Variants in ESRP2 observed in about 807,000 individuals in gnomAD.
ESRP2 encodes the protein epithelial splicing regulatory protein 2, also known as RNA binding motif protein 35A.
Under a neutral mutation model 78.6 loss-of-function variants are expected in ESRP2, and 48 were observed. That is an observed-to-expected ratio of 0.61 (90% CI 0.48 to 0.78). The LOEUF is 0.78. ESRP2 is among the 30% of genes least tolerant of loss of function. The probability of loss-of-function intolerance (pLI) is 0.00; values close to 1 mark genes in which losing one functional copy is unlikely to be tolerated. For missense variants in ESRP2, 863 were observed against 965.9 expected (o/e 0.89, Z 1.41); for synonymous variants, 383 against 406.7 (o/e 0.94, Z 0.70).
Position 68,232,856 on chromosome 16 carries a change from G to A in ESRP2, c.656-41C>T. The stretch of plus-strand genomic sequence containing the variant: ...CTGGGGGTCAGCAGGGTCTGGTGGA[G>A]AGGGGTGTCCCCACCAAGTTCTGCA... On this transcript the variant is annotated intron_variant, in intron 5 of 14. Transcript: ENST00000473183. The surrounding 1 kb of genome is among the most constrained non-coding windows in gnomAD (Gnocchi z 5.2). 4.3e-6 allele frequency: 7 copies of A among 1,613,904 alleles called. No homozygotes were observed. Among genetic ancestry groups the A allele is most frequent in the Non-Finnish European group, 5.9e-6 (7 of 1,179,914 alleles).
At position 68,230,102 on chromosome 16, in the gene ESRP2, G is replaced by T. The variant is rs985964278; in HGVS notation, c.*124C>A. 2 of 873,744 alleles carry T rather than the reference G, an allele frequency of 2.3e-6. No individual in the cohort carries two copies. Among genetic ancestry groups the T allele is most frequent in the East Asian group, 2.5e-5 (1 of 39,728 alleles). 54.1% of individuals were successfully genotyped at this position (873,744 alleles called of 1,614,324 possible). The stretch of plus-strand genomic sequence containing the variant: ...GGAGCTGGGGCTTGGGCTCCTCTAG[G>T]TACCTTCTGAGAGCTTTGACAAGCC... On this transcript the variant is annotated 3_prime_UTR_variant, in exon 15 of 15. Transcript: ENST00000473183.
chr16:68,233,617 C>T (rs1365096015), intron 4 of ESRP2, 151 bp downstream of exon 4: 7 of 739,928 alleles, frequency 9.5e-6, no homozygotes, highest in African/African-American at 5.2e-5. Context: ...CAAACTCATC[C>T]TAGCACAGAC....
Position 68,230,125 on chromosome 16 carries a change from G to A in ESRP2, c.*101C>T. The A allele has an allele frequency of 8.8e-7, 1 of 1,132,774 alleles. No homozygotes were observed. The highest frequency in any genetic ancestry group is 1.3e-6 in the Non-Finnish European group (1 of 755,054). The allele number at this position is 1,132,774 out of a possible 1,614,324, so 70.2% of individuals were successfully genotyped here. On this transcript the variant is annotated 3_prime_UTR_variant, in exon 15 of 15. Coordinates refer to ENST00000473183, the MANE Select transcript of ESRP2 (RefSeq NM_024939.3). ...AGGTACCTTCTGAGAGCTTTGACAAGCCAGAAAGAAGCTACCAGGTTGAGG... is the reference window on the plus strand; with the variant it reads ...AGGTACCTTCTGAGAGCTTTGACAAACCAGAAAGAAGCTACCAGGTTGAGG...
chr16:68,231,906 A>G lies in ESRP2; in HGVS notation c.1195T>C (p.Phe399Leu), dbSNP rs1359639654. The G allele has an allele frequency of 1.9e-6, 3 of 1,613,964 alleles. No individual in the cohort carries two copies. Among genetic ancestry groups the G allele is most frequent in the East Asian group, 4.5e-5 (2 of 44,850 alleles). The change falls in exon 10 of 15, where the codon TTT becomes CTT. Residue 399 changes from phenylalanine to leucine, a missense_variant. Phe to Leu is a conservative substitution (Grantham distance 22). Coordinates refer to ENST00000473183, the MANE Select transcript of ESRP2 (RefSeq NM_024939.3). The surrounding 1 kb of genome is among the most constrained non-coding windows in gnomAD (Gnocchi z 6.0). Reference sequence around the variant, plus strand: ...GCCTGTGCCAGCTCCTCACAAGCAAAGAGGGCGAAGGCATCACCAGTCGGC... The same window carrying G: ...GCCTGTGCCAGCTCCTCACAAGCAAGGAGGGCGAAGGCATCACCAGTCGGC... ...GRPTGDAFAL[F>L]ACEELAQAAL...
rs925416130 is a variant in ESRP2 at position 68,231,094 on chromosome 16, A to G, written c.1712-67T>C. On this transcript the variant is annotated intron_variant, in intron 12 of 14. Transcript: ENST00000473183. This position sits in a 1 kb window ranked among gnomAD's most constrained non-coding sequence, Gnocchi z 6.0. ...ACTGCCCTGGGTGGGGTAGCCAGAA[A>G]GGAGTCCCCGCTATAGAAGGTAGGG... 8 of 1,599,830 alleles carry G rather than the reference A, an allele frequency of 5.0e-6. No individual in the cohort carries two copies. The highest frequency in any genetic ancestry group is 1.1e-5 in the South Asian group (1 of 90,448).
rs1348124300 is a variant in ESRP2 at position 68,231,086 on chromosome 16, A to T, written c.1712-59T>A. The T allele has an allele frequency of 5.6e-6, 9 of 1,598,246 alleles. No individual in the cohort carries two copies. Among genetic ancestry groups the T allele is most frequent in the African/African-American group, 2.7e-5 (2 of 74,534 alleles). Reference sequence around the variant, plus strand: ...AGCCCAGCACTGCCCTGGGTGGGGTAGCCAGAAAGGAGTCCCCGCTATAGA... The same window carrying T: ...AGCCCAGCACTGCCCTGGGTGGGGTTGCCAGAAAGGAGTCCCCGCTATAGA... On this transcript the variant is annotated intron_variant, in intron 12 of 14. Coordinates refer to ENST00000473183, the MANE Select transcript of ESRP2 (RefSeq NM_024939.3). The surrounding 1 kb of genome is among the most constrained non-coding windows in gnomAD (Gnocchi z 6.0).
chr16:68,231,268 C>A lies in ESRP2; in HGVS notation c.1621G>T (p.Val541Phe). The change falls in exon 12 of 15, where the codon GTC becomes TTC. Residue 541 changes from valine (V) to phenylalanine (F), a missense_variant. By Grantham distance (50) the Val-to-Phe change is conservative (BLOSUM62 -1). Coordinates refer to ENST00000473183, the MANE Select transcript of ESRP2 (RefSeq NM_024939.3). This position sits in a 1 kb window ranked among gnomAD's most constrained non-coding sequence, Gnocchi z 6.0. ...KVMKERYVEVVPCSTEEMSRV... is the reference protein window; with the variant it reads ...KVMKERYVEVFPCSTEEMSRV... ...CTCATCTCCTCTGTGGAACAGGGGA[C>A]CACCTCCACGTAGCGCTCCTTCATC... is the stretch of plus-strand genomic sequence containing the variant. The A allele has an allele frequency of 6.2e-7, 1 of 1,614,104 alleles. No individual in the cohort carries two copies. The highest frequency in any genetic ancestry group is 1.1e-5 in the South Asian group (1 of 91,088).
rs1362484652 is a variant in ESRP2, at chr16:68,233,395, T to C, written c.587A>G (p.Asp196Gly). Reference protein sequence around the residue: ...GLGLETDATEDDFGVWEVKTM... With the variant: ...GLGLETDATEGDFGVWEVKTM... Reference sequence around the variant, plus strand: ...CTTGACTTCCCAGACCCCAAAGTCATCCTCTGTGGCATCTGTCTCCAGTCC... The same window carrying C: ...CTTGACTTCCCAGACCCCAAAGTCACCCTCTGTGGCATCTGTCTCCAGTCC... The change falls in exon 5 of 15, where the codon GAT becomes GGT. Residue 196 changes from aspartate (D) to glycine (G), a missense_variant. Coordinates refer to ENST00000473183, the MANE Select transcript of ESRP2 (RefSeq NM_024939.3). The C allele has an allele frequency of 1.2e-6, 2 of 1,613,888 alleles. No homozygotes were observed. The highest frequency in any genetic ancestry group is 3.3e-5 in the Admixed American group (2 of 59,986).
chr16:68,232,877 C>G lies in ESRP2; in HGVS notation c.656-62G>C. 1 of 1,610,090 alleles carries G rather than the reference C, an allele frequency of 6.2e-7. No homozygotes were observed. Among genetic ancestry groups the G allele is most frequent in the Non-Finnish European group, 8.5e-7 (1 of 1,177,298 alleles). Reference sequence around the variant, plus strand: ...TGGAGAGGGGTGTCCCCACCAAGTTCTGCAAAAAGTGGACAATTGAGAGAG... The same window carrying G: ...TGGAGAGGGGTGTCCCCACCAAGTTGTGCAAAAAGTGGACAATTGAGAGAG... On this transcript the variant is annotated intron_variant, in intron 5 of 14. Transcript: ENST00000473183. The surrounding 1 kb of genome is among the most constrained non-coding windows in gnomAD (Gnocchi z 5.2).
Position 68,231,538 on chromosome 16 carries a change from C to A in ESRP2, c.1456G>T (p.Gly486Trp), listed in dbSNP as rs146975136. Residue 486 changes from glycine to tryptophan, a missense_variant, in exon 11 of 15, where the codon GGG becomes TGG. Coordinates refer to ENST00000473183, the MANE Select transcript of ESRP2 (RefSeq NM_024939.3). The surrounding 1 kb of genome is among the most constrained non-coding windows in gnomAD (Gnocchi z 6.0). ...ATIEDILSFL[G>W]EAAADIRPHG... ...GGCCGAATGTCAGCTGCTGCCTCCC[C>A]CAGAAAGCTCAGGATGTCTTCAATG... The A allele has an allele frequency of 4.5e-5, 73 of 1,614,128 alleles. No individual in the cohort carries two copies. The African/African-American group carries it at 8.8e-4, about 19-fold the overall frequency.
chr16:68,235,324 G>T lies in ESRP2; in HGVS notation c.327+310C>A, dbSNP rs1405349836. ...GGCTCAGGGAGACCTGACCCAGCAGGTCTCCCAAAGGCGTCTCGGCCTCGC... is the reference window on the plus strand; with the variant it reads ...GGCTCAGGGAGACCTGACCCAGCAGTTCTCCCAAAGGCGTCTCGGCCTCGC... On this transcript the variant is annotated intron_variant, in intron 2 of 14. Coordinates refer to ENST00000473183, the MANE Select transcript of ESRP2 (RefSeq NM_024939.3). This position sits in a 1 kb window ranked among gnomAD's most constrained non-coding sequence, Gnocchi z 5.5. The T allele has an allele frequency of 1.0e-6, 1 of 985,186 alleles. No homozygotes were observed. The highest frequency in any genetic ancestry group is 1.1e-4 in the East Asian group (1 of 8,786). 61.0% of individuals were successfully genotyped at this position (985,186 alleles called of 1,614,324 possible).
chr16:68,231,098 G>A lies in ESRP2; in HGVS notation c.1712-71C>T. On this transcript the variant is annotated intron_variant, in intron 12 of 14. Coordinates refer to ENST00000473183, the MANE Select transcript of ESRP2 (RefSeq NM_024939.3). The surrounding 1 kb of genome is among the most constrained non-coding windows in gnomAD (Gnocchi z 6.0). ...CCCTGGGTGGGGTAGCCAGAAAGGAGTCCCCGCTATAGAAGGTAGGGGCTT... is the reference window on the plus strand; with the variant it reads ...CCCTGGGTGGGGTAGCCAGAAAGGAATCCCCGCTATAGAAGGTAGGGGCTT... 6.2e-7 allele frequency: 1 copy of A among 1,600,564 alleles called. No individual in the cohort carries two copies. Among genetic ancestry groups the A allele is most frequent in the Non-Finnish European group, 8.5e-7 (1 of 1,169,826 alleles).
rs2042105428 is a variant in ESRP2 at position 68,230,095 on chromosome 16, C to T, written c.*131G>A. On this transcript the variant is annotated 3_prime_UTR_variant, in exon 15 of 15. Coordinates refer to ENST00000473183, the MANE Select transcript of ESRP2 (RefSeq NM_024939.3). ...GGAGGATGGAGCTGGGGCTTGGGCT[C>T]CTCTAGGTACCTTCTGAGAGCTTTG... The T allele has an allele frequency of 5.0e-6, 4 of 803,668 alleles. No homozygotes were observed. Among genetic ancestry groups the T allele is most frequent in the Middle Eastern group, 5.9e-4 (2 of 3,372 alleles). The allele number at this position is 803,668 out of a possible 1,614,324, so 49.8% of individuals were successfully genotyped here.
rs1329695647 is a variant in ESRP2, at chr16:68,231,215, G to A, written c.1674C>T (p.Gly558=). The part of the protein sequence containing the change: ...MSRVLMGGTL[G]RSGMSPPPCK... Reference sequence around the variant, plus strand: ...AGGGTGGAGGGGACATGCCACTGCGGCCCAAGGTGCCCCCCATCAGCACTC... The same window carrying A: ...AGGGTGGAGGGGACATGCCACTGCGACCCAAGGTGCCCCCCATCAGCACTC... The change falls in exon 12 of 15, where the codon GGC becomes GGT. Residue 558 remains glycine (G), a synonymous_variant. Transcript: ENST00000473183. This position sits in a 1 kb window ranked among gnomAD's most constrained non-coding sequence, Gnocchi z 6.0. 2 of 1,613,550 alleles carry A rather than the reference G, an allele frequency of 1.2e-6. No individual in the cohort carries two copies. The highest frequency in any genetic ancestry group is 2.7e-5 in the African/African-American group (2 of 74,870).
chr16:68,231,279 T>G lies in ESRP2; in HGVS notation c.1610A>C (p.Tyr537Ser), dbSNP rs193102233. 383 of 1,614,114 alleles carry G rather than the reference T, an allele frequency of 2.4e-4. 2 individuals are homozygous for G. In the East Asian group the frequency reaches 7.2e-3, roughly 30 times the overall value. The change falls in exon 12 of 15, where the codon TAC (tyrosine) becomes TCC (serine). Residue 537 changes from tyrosine to serine, a missense_variant. By Grantham distance (144) the Tyr-to-Ser change is moderately radical. Coordinates refer to ENST00000473183, the MANE Select transcript of ESRP2 (RefSeq NM_024939.3). The surrounding 1 kb of genome is among the most constrained non-coding windows in gnomAD (Gnocchi z 6.0). ...RCHKKVMKER[Y>S]VEVVPCSTEE... ...TGTGGAACAGGGGACCACCTCCACG[T>G]AGCGCTCCTTCATCACCTTCTTATG...
In ESRP2 at chr16:68,235,680, G is replaced by C; in HGVS notation, c.281C>G (p.Ala94Gly). The stretch of plus-strand genomic sequence containing the variant: ...CGGCTCTGCCCGCGCCAGGCTGTCG[G>C]CGCTCAGGCCGCTCGCCTCGCGGCA... ...TQCREASGLSADSLARAEPLD... is the reference protein window; with the variant it reads ...TQCREASGLSGDSLARAEPLD... The change falls in exon 2 of 15, where the codon GCC becomes GGC. Residue 94 changes from alanine (A) to glycine (G), a missense_variant. Ala to Gly is a moderately conservative substitution (Grantham distance 60). Coordinates refer to ENST00000473183, the MANE Select transcript of ESRP2 (RefSeq NM_024939.3). The surrounding 1 kb of genome is among the most constrained non-coding windows in gnomAD (Gnocchi z 5.5). 6.3e-7 allele frequency: 1 copy of C among 1,599,102 alleles called. No individual in the cohort carries two copies. The highest frequency in any genetic ancestry group is 8.5e-7 in the Non-Finnish European group (1 of 1,178,480).
In ESRP2 at chr16:68,231,180, G is replaced by A; in HGVS notation, c.1709C>T (p.Pro570Leu). 1 of 1,612,978 alleles carries A rather than the reference G, an allele frequency of 6.2e-7. No individual in the cohort carries two copies. Among genetic ancestry groups the A allele is most frequent in the Non-Finnish European group, 8.5e-7 (1 of 1,179,926 alleles). The change falls in exon 12 of 15, where the codon CCC becomes CTC. Residue 570 changes from proline (P) to leucine (L), a missense_variant and splice_region_variant. Physicochemically the swap from Pro to Leu is moderately conservative, Grantham distance 98. Coordinates refer to ENST00000473183, the MANE Select transcript of ESRP2 (RefSeq NM_024939.3). This position sits in a 1 kb window ranked among gnomAD's most constrained non-coding sequence, Gnocchi z 6.0. ...CCCCTAGCCCCTAGGGCACTCACAG[G>A]GCAGCTTGCAGGGTGGAGGGGACAT... ...SGMSPPPCKL[P>L]CLSPPTYTTF...
rs2042141738 is a variant in ESRP2, at chr16:68,231,655, G to A, written c.1339C>T (p.Leu447=). The change falls in exon 11 of 15, where the codon CTG becomes TTG. Residue 447 remains leucine, a synonymous_variant. Transcript: ENST00000473183. This position sits in a 1 kb window ranked among gnomAD's most constrained non-coding sequence, Gnocchi z 6.0. The part of the protein sequence containing the change: ...RYASGPLLPT[L]TAPLLPIPFP... ...GGGATGGGCAGCAGTGGGGCAGTCA[G>A]TGTAGGAAGGAGTGGGCCGGATGCA... 3 of 1,612,962 alleles carry A rather than the reference G, an allele frequency of 1.9e-6. No homozygotes were observed. The highest frequency in any genetic ancestry group is 1.3e-5 in the African/African-American group (1 of 74,896).
Position 68,235,730 on chromosome 16 carries a change from G to T in ESRP2, c.231C>A (p.Ala77=). Residue 77 remains alanine (A), a synonymous_variant, in exon 2 of 15, where the codon GCC becomes GCA. Coordinates refer to ENST00000473183, the MANE Select transcript of ESRP2 (RefSeq NM_024939.3). The surrounding 1 kb of genome is among the most constrained non-coding windows in gnomAD (Gnocchi z 5.5). ...VGTLHKSLVR[A]EAAALSTQCR... Reference sequence around the variant, plus strand: ...ACTGCGTACTCAGTGCGGCCGCCTCGGCACGAACCAGCGATTTGTGCAGCG... The same window carrying T: ...ACTGCGTACTCAGTGCGGCCGCCTCTGCACGAACCAGCGATTTGTGCAGCG... 1 of 1,607,326 alleles carries T rather than the reference G, an allele frequency of 6.2e-7. No individual in the cohort carries two copies.
Sources: allele counts gnomAD v4.1 joint callset, GRCh38; gene constraint gnomAD v4.1.1; non-coding constraint Gnocchi (gnomAD v3.1); transcripts MANE v1.5; gene names NCBI Gene and HGNC (gene_info 2026-07-23, HGNC 2026-07-21).